Variants in CDH20 observed in about 807,000 individuals in gnomAD.
The protein encoded by CDH20 is cadherin-20.
CDH20 carries 29 observed loss-of-function variants against 74.2 expected under a neutral mutation model. The ratio of observed to expected loss-of-function variants is 0.39; its 90% confidence interval spans 0.29 to 0.53. The LOEUF is 0.53. Among genes scored for constraint, CDH20 ranks in the 20% least tolerant of loss-of-function variants. The pLI is 0.69. For synonymous variants in CDH20, 469 were observed against 405.4 expected (o/e 1.16, Z -1.88); for missense variants, 988 against 1,048.3 (o/e 0.94, Z 0.79).
At chr18:61,531,237 C>G (rs548359849) in intron 7 of CDH20, among the ~76,000 whole-genome samples, 1 of 152,208 alleles carries the variant, frequency 6.6e-6, no homozygotes, top group Non-Finnish European at 1.5e-5. Flanking sequence ...TGTGTCAGCC[C>G]GGCAATGCTG....
intron 1 of CDH20, among the ~76,000 whole-genome samples, chr18:61,485,870 GA>G: frequency 6.6e-6 from 1 of 152,178 alleles, no homozygotes; most frequent in Middle Eastern, 3.4e-3. Context: ...TCAGGAGATC[GA>G]GACCATCCTG....
At chr18:61,476,633 A>T (rs1278301550) in intron 1 of CDH20, among the ~76,000 whole-genome samples, 1 of 152,200 alleles carries the variant, frequency 6.6e-6, no homozygotes, top group African/African-American at 2.4e-5. Context: ...GGAGAATACA[A>T]CTGTGGCCCT....
intron 1 of CDH20, among the ~76,000 whole-genome samples, chr18:61,431,639 A>G (rs1004544162): frequency 2.0e-5 from 3 of 151,058 alleles, no homozygotes; most frequent in Non-Finnish European, 2.9e-5. Flanking sequence ...AGTGCCTACC[A>G]TATATAGTTC....
intron 1 of CDH20, among the ~76,000 whole-genome samples, chr18:61,460,013 AT>A (rs1440753147): frequency 1.3e-5 from 2 of 152,168 alleles, no homozygotes; most frequent in Admixed American, 1.3e-4. Context: ...TGTTGGAACA[AT>A]TTGACCTTCT....
chr18:61,553,433 A>G (rs2144417203), intron 11 of CDH20, among the ~76,000 whole-genome samples: 2 of 152,328 alleles, frequency 1.3e-5, no homozygotes, highest in South Asian at 4.1e-4. Flanking sequence ...ATTTTATCCA[A>G]ACCTGCAAGG....
chr18:61,379,369 A>T (rs1911357752), intron 1 of CDH20, among the ~76,000 whole-genome samples: 1 of 152,210 alleles, frequency 6.6e-6, no homozygotes, highest in Admixed American at 6.5e-5. Flanking sequence ...TGAAATATTA[A>T]TCGCTTTATT....
At chr18:61,489,674 C>A (rs1055467896) in intron 1 of CDH20, among the ~76,000 whole-genome samples, 2 of 151,992 alleles carry the variant, frequency 1.3e-5, no homozygotes, top group South Asian at 4.2e-4. Context: ...AGCTTGCTCC[C>A]ATAGGCATGT....
intron 10 of CDH20, among the ~76,000 whole-genome samples, chr18:61,548,473 A>G (rs748081547): frequency 7.9e-5 from 12 of 152,244 alleles, no homozygotes; most frequent in Non-Finnish European, 1.5e-4. Flanking sequence ...GAGATACTGC[A>G]TGCAAAGTCC....
intron 1 of CDH20, among the ~76,000 whole-genome samples, chr18:61,376,527 C>T (rs1017040844): frequency 1.3e-5 from 2 of 151,890 alleles, no homozygotes; most frequent in Non-Finnish European, 2.9e-5. Context: ...AAAAAGTTGC[C>T]TTTTATTGGA....
chr18:61,551,434 G>A (rs1480360921), intron 11 of CDH20, among the ~76,000 whole-genome samples: 2 of 152,166 alleles, frequency 1.3e-5, no homozygotes, highest in Non-Finnish European at 2.9e-5. Flanking sequence ...CCAAGAGACA[G>A]ACCAAAGAAA....
At chr18:61,503,153 G>A (rs115770666) in intron 5 of CDH20, 33 bp downstream of exon 5, 20,238 of 1,502,896 alleles carry the variant, frequency 0.013, 216 homozygotes, top group African/African-American at 0.054. Context: ...CACAGACCTC[G>A]GGCCCAGAGG....
Position 61,528,053 on chromosome 18 carries a change from C to T in CDH20, c.1104C>T (p.Gly368=). ...TAGAGATGCGTTTTCTGAACTTGGG[C>T]CCATTTCAGGACACAACAACAGTGC... ...PHLEMRFLNL[G]PFQDTTTVHI... Residue 368 remains glycine (G), a synonymous_variant, in exon 7 of 12, where the codon GGC becomes GGT. Coordinates refer to ENST00000262717, the MANE Select transcript of CDH20 (RefSeq NM_031891.4). 6.2e-7 allele frequency: 1 copy of T among 1,614,084 alleles called. No individual in the cohort carries two copies. Among genetic ancestry groups the T allele is most frequent in the Non-Finnish European group, 8.5e-7 (1 of 1,179,974 alleles).
intron 1 of CDH20, among the ~76,000 whole-genome samples, chr18:61,486,181 C>T (rs1910757553): frequency 6.6e-6 from 1 of 152,180 alleles, no homozygotes; most frequent in South Asian, 2.1e-4. Context: ...AACTTCTGGT[C>T]AGAGAACTGT....
intron 1 of CDH20, among the ~76,000 whole-genome samples, chr18:61,359,545 G>A (rs1485314691): frequency 6.6e-6 from 1 of 152,072 alleles, no homozygotes; most frequent in Non-Finnish European, 1.5e-5. Context: ...AACAAGGGTG[G>A]GGAGCATGGA....
Position 61,469,370 on chromosome 18 carries a change from C to CAT in CDH20, c.-152-21031_-152-21030insTA, listed in dbSNP as rs201628592. The stretch of plus-strand genomic sequence containing the variant: ...CCAGTTGGATGAGAATGAATACACA[C>CAT]ACACACACACACACACACACACACA... On this transcript the variant is annotated intron_variant, in intron 1 of 11. Coordinates refer to ENST00000262717, the MANE Select transcript of CDH20 (RefSeq NM_031891.4). Among the ~76,000 whole-genome samples, 21 of 111,752 alleles carry CAT rather than the reference C, an allele frequency of 1.9e-4. No individual in the cohort carries two copies. The East Asian group carries it at 6.2e-3, about 33-fold the overall frequency. 73.3% of individuals were successfully genotyped at this position (111,752 alleles called of 152,430 possible).
At chr18:61,458,917 C>G (rs1909672535) in intron 1 of CDH20, among the ~76,000 whole-genome samples, 1 of 152,178 alleles carries the variant, frequency 6.6e-6, no homozygotes, top group South Asian at 2.1e-4. Flanking sequence ...TTATTATCCA[C>G]TAAAATGACT....
chr18:61,523,538 A>G (rs1466145448), intron 6 of CDH20, among the ~76,000 whole-genome samples: 2 of 152,310 alleles, frequency 1.3e-5, no homozygotes, highest in East Asian at 3.9e-4. Context: ...AGAACCAGAA[A>G]TACCATATGA....
At chr18:61,418,186 T>C (rs1393303362) in intron 1 of CDH20, among the ~76,000 whole-genome samples, 5 of 152,186 alleles carry the variant, frequency 3.3e-5, no homozygotes, top group Non-Finnish European at 7.3e-5. Flanking sequence ...CCTAGTTATT[T>C]AAGCTGTTTC....
rs1911551977 is a variant in CDH20 at position 61,506,132 on chromosome 18, T to C, written c.830-1241T>C. Reference sequence around the variant, plus strand: ...AAGATCTCAAGCTATTTATTTATAATATAATGTATCATGTAGAAATTGTAT... The same window carrying C: ...AAGATCTCAAGCTATTTATTTATAACATAATGTATCATGTAGAAATTGTAT... On this transcript the variant is annotated intron_variant, in intron 5 of 11. Coordinates refer to ENST00000262717, the MANE Select transcript of CDH20 (RefSeq NM_031891.4). Among the ~76,000 whole-genome samples the C allele has an allele frequency of 2.0e-5, 3 of 152,260 alleles. No homozygotes were observed. The South Asian group carries it at 6.2e-4, about 32-fold the overall frequency.
Sources: gnomAD v4.1 joint callset for allele counts (sites outside exome capture counted in the v4.1 genomes callset) on GRCh38, gnomAD v4.1.1 for gene constraint, MANE v1.5 for transcripts, NCBI Gene and HGNC (gene_info 2026-07-23, HGNC 2026-07-21) for gene names.